ERICH1: variants seen among roughly 807,000 people sequenced by gnomAD.
ERICH1 encodes the protein glutamate-rich protein 1.
Under a neutral mutation model 39.6 loss-of-function variants are expected in ERICH1, and 56 were observed. The ratio of observed to expected loss-of-function variants is 1.41; its 90% CI spans 1.14 to 1.77. The LOEUF is 1.77. Ranked by LOEUF, ERICH1 falls within the 40% of genes most tolerant of loss-of-function variation. ERICH1 has a pLI of 0.00. For missense variants in ERICH1, 826 were observed against 575.4 expected, an observed-to-expected ratio of 1.44 and a Z score of -4.45; for synonymous variants, 313 against 223.6, an observed-to-expected ratio of 1.40 and a Z score of -3.57.
intron 3 of ERICH1, among the ~76,000 whole-genome samples, chr8:649,483 T>C (rs1318436474): frequency 2.0e-5 from 3 of 151,954 alleles, no homozygotes; most frequent in Admixed American, 1.3e-4. Context: ...CCAGGGTGGG[T>C]GTATCCTGTG....
chr8:686,305 A>G (rs1807356458), intron 3 of ERICH1, among the ~76,000 whole-genome samples: 1 of 152,232 alleles, frequency 6.6e-6, no homozygotes, highest in Non-Finnish European at 1.5e-5. Context: ...GTAAGGATAC[A>G]CCACTATCTA....
At chr8:730,464 C>A (rs1819721932) in intron 1 of ERICH1, among the ~76,000 whole-genome samples, 1 of 152,216 alleles carries the variant, frequency 6.6e-6, no homozygotes, top group Non-Finnish European at 1.5e-5. Context: ...TCAAAAACCG[C>A]CACTCTTTTC....
chr8:628,724 T>C (rs1010358150), intron 3 of ERICH1, among the ~76,000 whole-genome samples: 1 of 152,160 alleles, frequency 6.6e-6, no homozygotes, highest in African/African-American at 2.4e-5. Context: ...CTTCCCCTCA[T>C]CCCCACCCAT....
At chr8:649,905 C>G (rs1799728096) in intron 3 of ERICH1, among the ~76,000 whole-genome samples, 1 of 152,160 alleles carries the variant, frequency 6.6e-6, no homozygotes, top group South Asian at 2.1e-4. Context: ...TGGGAGGAGA[C>G]GTGACAGGAC....
chr8:663,129 C>A (rs1801678564), downstream of ERICH1, among the ~76,000 whole-genome samples: 1 of 152,238 alleles, frequency 6.6e-6, no homozygotes, highest in African/African-American at 2.4e-5. Flanking sequence ...ATTTCCAGAG[C>A]CAGAAACATC....
chr8:643,203 T>C lies in ERICH1; in HGVS notation c.976+25395A>G, dbSNP rs1585016235. Among the ~76,000 whole-genome samples the C allele has an allele frequency of 3.9e-5, 6 of 152,312 alleles. 1 individual carries two copies. The highest frequency in any genetic ancestry group is 6.5e-5 in the Admixed American group (1 of 15,298). On this transcript the variant is annotated intron_variant, in intron 3 of 3. Coordinates refer to the ERICH1 transcript ENST00000522706. ...CCCACATTCTGCCTCTCGTTAAACA[T>C]TGCATGCGATTCCTGCGAGTTCTCT...
intron 3 of ERICH1, among the ~76,000 whole-genome samples, chr8:625,078 C>T (rs758242793): frequency 5.3e-5 from 8 of 152,166 alleles, no homozygotes; most frequent in Admixed American, 2.0e-4. Context: ...ACAAGAACAG[C>T]GAGGTGGATT....
Position 668,932 on chromosome 8 carries a change from G to A in ERICH1, c.1064-140C>T. The stretch of plus-strand genomic sequence containing the variant: ...ATATCTGGGAGATGAGAAGCTACCA[G>A]AAGAGAGAATCAGAACAGAGCTCAG... On this transcript the variant is annotated intron_variant, in intron 4 of 5. Transcript: ENST00000262109. 6.6e-6 allele frequency: 5 copies of A among 763,098 alleles called. No homozygotes were observed. In the East Asian group the frequency reaches 8.1e-5, roughly 12 times the overall value. 47.3% of individuals were successfully genotyped at this position (763,098 alleles called of 1,614,324 possible). A position where few individuals can be genotyped will look rare whatever the true frequency, so the allele number is the denominator to read the frequency against.
rs780913500 is a variant in ERICH1, at chr8:692,581, C to A, written c.201G>T (p.Arg67=). ...CAGGAGGCCCGCTGGCAGTGTAGAG[C>A]CGTCGGGCAGTCGGGGTCTCAGAGC... ...DTGSETPTAR[R]LYTASGPPEG... Residue 67 remains arginine, a synonymous_variant, in exon 3 of 6, where the codon CGG becomes CGT. Transcript: ENST00000262109. 4 of 1,610,138 alleles carry A rather than the reference C, an allele frequency of 2.5e-6. No individual in the cohort carries two copies. In the South Asian group the frequency reaches 3.3e-5, roughly 13 times the overall value.
At chr8:638,953 G>T (rs148983330) in intron 3 of ERICH1, among the ~76,000 whole-genome samples, 1 of 152,024 alleles carries the variant, frequency 6.6e-6, no homozygotes, top group African/African-American at 2.4e-5. Flanking sequence ...ACCCATAAAC[G>T]CCTATCTTTC....
intron 2 of ERICH1, among the ~76,000 whole-genome samples, chr8:704,058 T>C (rs989539005): frequency 2.0e-5 from 3 of 152,178 alleles, no homozygotes; most frequent in Non-Finnish European, 4.4e-5. Flanking sequence ...AACTGCCTTC[T>C]CACAGCGACA....
chr8:641,059 G>T (rs181707706), intron 3 of ERICH1: 15 of 152,304 alleles, frequency 9.8e-5, no homozygotes, highest in African/African-American at 3.1e-4. Context: ...GAATACTTGA[G>T]TCAGCCCCTC....
At chr8:726,911 C>T (rs1346233389) in intron 1 of ERICH1, among the ~76,000 whole-genome samples, 1 of 151,064 alleles carries the variant, frequency 6.6e-6, no homozygotes, top group Non-Finnish European at 1.5e-5. Flanking sequence ...CATGCATGTA[C>T]ACACAGACCA....
At chr8:690,794 C>A (rs748706252) in intron 3 of ERICH1, 1 of 152,372 alleles carries the variant, frequency 6.6e-6, no homozygotes, top group Non-Finnish European at 1.5e-5. Context: ...TGGGAGTTGA[C>A]GTGTGGGCCC....
chr8:630,297 T>A (rs112225292), intron 3 of ERICH1, among the ~76,000 whole-genome samples: 2 of 66,204 alleles, frequency 3.0e-5, no homozygotes, highest in Admixed American at 1.7e-4. Flanking sequence ...CACACCCTCC[T>A]GTGACCACCC....
chr8:644,150 C>T (rs1799333340), intron 3 of ERICH1, among the ~76,000 whole-genome samples: 2 of 152,124 alleles, frequency 1.3e-5, no homozygotes, highest in Non-Finnish European at 2.9e-5. Flanking sequence ...TGTGTGGCCT[C>T]CTGGCCCCGT....
chr8:628,694 G>T (rs574459430), intron 3 of ERICH1, among the ~76,000 whole-genome samples: 153 of 152,308 alleles, frequency 1.0e-3, no homozygotes, highest in African/African-American at 3.6e-3. Flanking sequence ...ACGATGAGAT[G>T]GGAATAACAC....
intron 4 of ERICH1, among the ~76,000 whole-genome samples, chr8:671,623 G>C (rs911324823): frequency 6.7e-6 from 1 of 150,026 alleles, no homozygotes; most frequent in African/African-American, 2.5e-5. Flanking sequence ...CGACCACTGA[G>C]CGCACTGGTC....
chr8:681,694 T>C (rs533284486), intron 3 of ERICH1, among the ~76,000 whole-genome samples: 1 of 152,350 alleles, frequency 6.6e-6, no homozygotes, highest in African/African-American at 2.4e-5. Context: ...ATGTTTTCAC[T>C]GTGCTGTTAG....
Sources: gnomAD v4.1 joint callset for allele counts (sites outside exome capture counted in the v4.1 genomes callset) on GRCh38, gnomAD v4.1.1 for gene constraint, MANE v1.5 for transcripts, NCBI Gene and HGNC (gene_info 2026-07-23, HGNC 2026-07-21) for gene names.